Variants in ANKFY1 observed in about 807,000 individuals in gnomAD.
ANKFY1 encodes the protein ankyrin repeat and FYVE domain-containing protein 1.
A neutral mutation model predicts 128.3 loss-of-function variants in ANKFY1; 47 were observed. The ratio of observed to expected loss-of-function variants is 0.37; its 90% confidence interval spans 0.29 to 0.47. The LOEUF is 0.47. ANKFY1 is among the 20% of genes least tolerant of loss of function. ANKFY1 has a pLI of 1.00. For missense variants in ANKFY1, 1,222 were observed against 1,510.6 expected, an observed-to-expected ratio of 0.81 and a Z score of 3.17; for synonymous variants, 553 against 601.6, an observed-to-expected ratio of 0.92 and a Z score of 1.18.
At chr17:4,206,272 C>A in intron 7 of ANKFY1, 49 bp downstream of exon 7, 3 of 1,588,362 alleles carry the variant, frequency 1.9e-6, no homozygotes, top group South Asian at 1.1e-5. Context: ...AAAAATTACT[C>A]GGATAAAAAT....
chr17:4,177,411 C>T lies in ANKFY1; in HGVS notation c.2599-109G>A, dbSNP rs575656941. ...GGAGAGGTCACGATGGAGACCTTCC[C>T]TCAGTCTTAGGAAACCCCCTCCCAA... On this transcript the variant is annotated intron_variant, in intron 18 of 24. Transcript: ENST00000341657. 3.0e-6 allele frequency: 3 copies of T among 1,014,024 alleles called. No individual in the cohort carries two copies. In the South Asian group the frequency reaches 6.3e-5, roughly 21 times the overall value. 62.8% of individuals were successfully genotyped at this position (1,014,024 alleles called of 1,614,324 possible).
At position 4,179,852 on chromosome 17, in the gene ANKFY1, G is replaced by C. The variant is rs1274765434; in HGVS notation, c.2266C>G (p.Gln756Glu). 2 of 1,614,070 alleles carry C rather than the reference G, an allele frequency of 1.2e-6. No homozygotes were observed. Among genetic ancestry groups the C allele is most frequent in the Non-Finnish European group, 1.7e-6 (2 of 1,180,056 alleles). The change falls in exon 17 of 25, where the codon CAA becomes GAA. Residue 756 changes from glutamine (Q) to glutamate (E), a missense_variant. Physicochemically the swap from Gln to Glu is conservative, Grantham distance 29. Coordinates refer to ENST00000341657, the MANE Select transcript of ANKFY1 (RefSeq NM_001330063.2). Reference protein sequence around the residue: ...RSGCDVNSPRQPGANGEGEEE... With the variant: ...RSGCDVNSPREPGANGEGEEE... ...TCTCCTTCTCCATTGGCGCCTGGTT[G>C]TCTGGGACTGTTCACGTCACAGCCA...
intron 2 of ANKFY1, among the ~76,000 whole-genome samples, chr17:4,236,788 T>C (rs949737357): frequency 6.6e-6 from 1 of 151,614 alleles, no homozygotes; most frequent in African/African-American, 2.4e-5. Flanking sequence ...AAAACCACTA[T>C]ATGGAAAAAA....
intron 1 of ANKFY1, among the ~76,000 whole-genome samples, chr17:4,253,802 CAG>C (rs748057829): frequency 5.9e-5 from 9 of 152,188 alleles, no homozygotes; most frequent in African/African-American, 1.9e-4. Flanking sequence ...AAACTGCACA[CAG>C]AGGAATTTCA....
Position 4,235,758 on chromosome 17 carries a change from A to T in ANKFY1, c.322+14T>A. On this transcript the variant is annotated intron_variant, in intron 3 of 24. Coordinates refer to ENST00000341657, the MANE Select transcript of ANKFY1 (RefSeq NM_001330063.2). ...CGCTAGCAGTTTTGTGTCCCTGATCACTCAAAGGCTCACCTGACAGGTCCA... is the reference window on the plus strand; with the variant it reads ...CGCTAGCAGTTTTGTGTCCCTGATCTCTCAAAGGCTCACCTGACAGGTCCA... 6.3e-7 allele frequency: 1 copy of T among 1,597,958 alleles called. No homozygotes were observed. The highest frequency in any genetic ancestry group is 1.1e-5 in the South Asian group (1 of 90,564).
Position 4,167,983 on chromosome 17 carries a change from A to C in ANKFY1, c.3378-72T>G, listed in dbSNP as rs1597996114. On this transcript the variant is annotated intron_variant, in intron 24 of 24. Transcript: ENST00000341657. The surrounding 1 kb of genome is among the most constrained non-coding windows in gnomAD (Gnocchi z 4.1). The stretch of plus-strand genomic sequence containing the variant: ...CTCTGCTTCCTGGCACGTGAGGACA[A>C]CCGCAGCAGGGCCTGGCAGCCAAGG... The C allele has an allele frequency of 6.5e-7, 1 of 1,535,502 alleles. No homozygotes were observed. The highest frequency in any genetic ancestry group is 8.8e-7 in the Non-Finnish European group (1 of 1,134,256).
intron 2 of ANKFY1, 116 bp downstream of exon 2, chr17:4,242,140 A>G (rs1196724569): frequency 9.3e-7 from 1 of 1,072,724 alleles, no homozygotes; most frequent in Non-Finnish European, 1.3e-6. Flanking sequence ...TAGGGAATCG[A>G]TTTGCTAATA....
At chr17:4,206,605 A>G (rs570751788) in intron 6 of ANKFY1, 119 bp from the exon 7 acceptor site, 10 of 868,486 alleles carry the variant, frequency 1.2e-5, no homozygotes, top group Non-Finnish European at 1.7e-5. Flanking sequence ...TAAGTGCTCC[A>G]ACACTGCTTA....
At chr17:4,187,429 A>C (rs2059631880) in intron 11 of ANKFY1, 1 of 395,560 alleles carries the variant, frequency 2.5e-6, no homozygotes, top group African/African-American at 2.1e-5. Flanking sequence ...TCTCAGCTCC[A>C]GAAGAATCAC....
intron 3 of ANKFY1, 36 bp from the exon 4 acceptor site, chr17:4,217,154 A>C: frequency 1.6e-5 from 25 of 1,602,152 alleles, no homozygotes; most frequent in Non-Finnish European, 2.1e-5. Flanking sequence ...GAAAAAGCAT[A>C]GAATGACATG....
intron 13 of ANKFY1, 52 bp from the exon 14 acceptor site, chr17:4,183,603 A>G: frequency 1.9e-6 from 3 of 1,597,248 alleles, no homozygotes; most frequent in African/African-American, 1.3e-5. Flanking sequence ...CGCTTCCTCA[A>G]CATCTTACTA....
At chr17:4,246,344 C>T (rs1326230381) in intron 1 of ANKFY1, among the ~76,000 whole-genome samples, 3 of 152,188 alleles carry the variant, frequency 2.0e-5, no homozygotes, top group African/African-American at 7.2e-5. Context: ...AAGCTTGTAT[C>T]AGTCAACAGA....
In ANKFY1 at chr17:4,219,914, C is replaced by A. The variant is rs558307356; in HGVS notation, c.323-2796G>T. 1.3e-4 allele frequency among the ~76,000 whole-genome samples: 20 copies of A among 152,152 alleles called. No individual in the cohort carries two copies. In the East Asian group the frequency reaches 3.3e-3, roughly 25 times the overall value. ...TGAGCTCACTGCAACCTCTGCCTCC[C>A]GGGTTCAAGAGATTCTCCTGCCTCA... On this transcript the variant is annotated intron_variant, in intron 3 of 24. Transcript: ENST00000341657.
At chr17:4,189,922 G>A (rs2059687435) in intron 10 of ANKFY1, among the ~76,000 whole-genome samples, 1 of 152,210 alleles carries the variant, frequency 6.6e-6, no homozygotes, top group Non-Finnish European at 1.5e-5. Context: ...CAGAGGCTAG[G>A]GAACGCCCCG....
chr17:4,238,472 T>G (rs890122160), intron 2 of ANKFY1, among the ~76,000 whole-genome samples: 16 of 144,612 alleles, frequency 1.1e-4, no homozygotes, highest in Non-Finnish European at 1.5e-4. Context: ...AAACAGCAGG[T>G]TTTTTTTTTT....
intron 20 of ANKFY1, 141 bp from the exon 21 acceptor site, chr17:4,173,585 T>A: frequency 1.3e-6 from 1 of 790,654 alleles, no homozygotes; most frequent in Admixed American, 2.0e-5. Context: ...TCCTTTCTGG[T>A]CTTCACCGCC....
At chr17:4,220,667 C>T (rs954100221) in intron 3 of ANKFY1, among the ~76,000 whole-genome samples, 6 of 152,200 alleles carry the variant, frequency 3.9e-5, no homozygotes, top group African/African-American at 1.4e-4. Flanking sequence ...CGTGACTCTT[C>T]CCCTCATCTA....
chr17:4,200,573 G>A (rs747991583), intron 7 of ANKFY1, among the ~76,000 whole-genome samples: 2 of 152,210 alleles, frequency 1.3e-5, no homozygotes, highest in Non-Finnish European at 2.9e-5. Flanking sequence ...TCAGCTGGAT[G>A]ATCCCCAGCA....
At chr17:4,216,864 AAAGG>A in intron 4 of ANKFY1, 115 bp downstream of exon 4, 1 of 1,427,252 alleles carries the variant, frequency 7.0e-7, no homozygotes, top group Non-Finnish European at 9.6e-7. Flanking sequence ...CATCGCCTTT[AAAGG>A]AACACCTTGC....
Sources: gnomAD v4.1 joint callset for allele counts (sites outside exome capture counted in the v4.1 genomes callset) on GRCh38, gnomAD v4.1.1 for gene constraint, Gnocchi (gnomAD v3.1) non-coding constraint, MANE v1.5 for transcripts, NCBI Gene and HGNC (gene_info 2026-07-23, HGNC 2026-07-21) for gene names.